DZANK1: variants seen among roughly 807,000 people sequenced by gnomAD.
DZANK1 encodes double zinc ribbon and ankyrin repeat domains 1.
Under a neutral mutation model 94.5 loss-of-function variants are expected in DZANK1, and 91 were observed. The ratio of observed to expected loss-of-function variants is 0.96; its 90% CI spans 0.81 to 1.15. DZANK1 has a LOEUF of 1.15. Ranked by LOEUF, DZANK1 falls within the 50% of genes most tolerant of loss-of-function variation. The probability of loss-of-function intolerance (pLI) is 0.00; values close to 1 mark genes in which losing one functional copy is unlikely to be tolerated. For synonymous variants in DZANK1, 312 were observed against 325.3 expected, an observed-to-expected ratio of 0.96 and a Z score of 0.44; for missense variants, 903 against 916.4, an observed-to-expected ratio of 0.99 and a Z score of 0.19.
intron 14 of DZANK1, chr20:18,398,301 T>C (rs760157605): frequency 1.9e-6 from 1 of 520,812 alleles, no homozygotes; most frequent in Non-Finnish European, 3.5e-6. Context: ...CAGAATTTTA[T>C]TGTCTTAGGT....
chr20:18,457,968 G>A lies in DZANK1; in HGVS notation c.263+2185C>T, dbSNP rs369285067. Among the ~76,000 whole-genome samples the A allele has an allele frequency of 1.4e-4, 22 of 152,302 alleles. No homozygotes were observed. In the East Asian group the frequency reaches 3.1e-3, roughly 21 times the overall value. ...GTTTAACTCTCACCCCTCCTCATAC[G>A]CATTGAAAGCTCACCTTTCCTATGC... On this transcript the variant is annotated intron_variant, in intron 3 of 20. Transcript: ENST00000262547.
At chr20:18,408,576 G>T (rs2057074606) in intron 13 of DZANK1, among the ~76,000 whole-genome samples, 1 of 152,128 alleles carries the variant, frequency 6.6e-6, no homozygotes, top group Non-Finnish European at 1.5e-5. Flanking sequence ...CTTTTCAGCA[G>T]AAATCCTATA....
Position 18,391,106 on chromosome 20 carries a change from G to A in DZANK1, c.1810-647C>T, listed in dbSNP as rs139494665. On this transcript the variant is annotated intron_variant, in intron 17 of 20. Coordinates refer to ENST00000262547, the Ensembl canonical transcript of DZANK1. ...CTTGGGAGGCTAAGGCAGGAGAATC[G>A]CTTGAATCCAGGAAGCAGAGGTTGC... 1.3e-4 allele frequency among the ~76,000 whole-genome samples: 20 copies of A among 152,226 alleles called. No homozygotes were observed. In the East Asian group the frequency reaches 2.7e-3, roughly 21 times the overall value.
At chr20:18,456,694 TTTTA>T (rs2059304563) in intron 3 of DZANK1, among the ~76,000 whole-genome samples, 1 of 119,984 alleles carries the variant, frequency 8.3e-6, no homozygotes, top group Non-Finnish European at 1.7e-5. Context: ...TGTCTGGATT[TTTTA>T]TTTATTTGTT....
At chr20:18,438,557 T>C (rs2058618259) in intron 8 of DZANK1, among the ~76,000 whole-genome samples, 1 of 152,168 alleles carries the variant, frequency 6.6e-6, no homozygotes. Context: ...TATCAGAGAA[T>C]AAAGGACTTT....
chr20:18,448,431 T>G (rs2058964686), intron 7 of DZANK1, among the ~76,000 whole-genome samples: 1 of 152,210 alleles, frequency 6.6e-6, no homozygotes, highest in Non-Finnish European at 1.5e-5. Flanking sequence ...AGGAAATTTT[T>G]GGCAGGGATG....
At chr20:18,432,675 C>T (rs2058331137) in intron 9 of DZANK1, 1 of 152,176 alleles carries the variant, frequency 6.6e-6, no homozygotes, top group South Asian at 2.1e-4. Context: ...GTGTTATGGC[C>T]TGTACATAAT....
chr20:18,439,237 A>G (rs1464215011), intron 8 of DZANK1, among the ~76,000 whole-genome samples: 1 of 152,180 alleles, frequency 6.6e-6, no homozygotes, highest in Non-Finnish European at 1.5e-5. Context: ...CAGTCACTCA[A>G]TTGAAAGCAA....
At chr20:18,427,690 A>C (rs2058104187) in intron 9 of DZANK1, among the ~76,000 whole-genome samples, 1 of 152,046 alleles carries the variant, frequency 6.6e-6, no homozygotes. Flanking sequence ...TTCATGGCTT[A>C]AACAGTAAAC....
At chr20:18,433,992 G>A (rs2058400371) in intron 8 of DZANK1, 5 of 489,130 alleles carry the variant, frequency 1.0e-5, no homozygotes, top group Non-Finnish European at 1.8e-5. Context: ...TGATGGATAT[G>A]CTAATTACTC....
chr20:18,405,693 A>AAT lies in DZANK1; in HGVS notation c.1432+6952_1432+6953insAT, dbSNP rs1232226318. On this transcript the variant is annotated intron_variant, in intron 13 of 20. Coordinates refer to ENST00000262547, the Ensembl canonical transcript of DZANK1. ...GCTGGAACACCAAATTTTAACAACT[A>AAT]TCTGTACTCAGAAAAGCACCATTAC... Among the ~76,000 whole-genome samples the AAT allele has an allele frequency of 3.3e-5, 5 of 152,342 alleles. No individual in the cohort carries two copies. In the East Asian group the frequency reaches 9.6e-4, roughly 29 times the overall value.
At chr20:18,436,443 C>CAAAA (rs767717764) in intron 8 of DZANK1, among the ~76,000 whole-genome samples, 5 of 103,608 alleles carry the variant, frequency 4.8e-5, no homozygotes, top group Non-Finnish European at 7.2e-5. Flanking sequence ...GACTCCATCT[C>CAAAA]AAAAAAAAAA....
intron 11 of DZANK1, 24 bp downstream of exon 11, chr20:18,415,303 G>C (rs2057438068): frequency 2.0e-6 from 3 of 1,514,318 alleles, no homozygotes; most frequent in Non-Finnish European, 2.7e-6. Flanking sequence ...TCAGTATACA[G>C]AATCTCAGTT....
chr20:18,446,891 A>G (rs2058898352), intron 7 of DZANK1, among the ~76,000 whole-genome samples: 1 of 152,238 alleles, frequency 6.6e-6, no homozygotes, highest in South Asian at 2.1e-4. Context: ...TAACAAGAAA[A>G]GAAAATCCCC....
intron 10 of DZANK1, among the ~76,000 whole-genome samples, chr20:18,418,259 A>G: frequency 6.6e-6 from 1 of 152,148 alleles, no homozygotes; most frequent in South Asian, 2.1e-4. Context: ...AGCGGTGGGC[A>G]CAAGGCAGTA....
chr20:18,454,180 C>T (rs2059203820), intron 4 of DZANK1: 1 of 375,556 alleles, frequency 2.7e-6, no homozygotes, highest in Non-Finnish European at 5.2e-6. Context: ...CAAAATCAGA[C>T]TTCTGCACAC....
intron 10 of DZANK1, 93 bp downstream of exon 10, chr20:18,426,974 C>T (rs1441214207): frequency 2.2e-6 from 2 of 914,796 alleles, no homozygotes; most frequent in Admixed American, 3.1e-5. Flanking sequence ...TGGTCTCTCT[C>T]CCCAACCCCC....
exon 13 of DZANK1, chr20:18,412,749 G>A (rs900725260): frequency 5.0e-6 from 8 of 1,613,664 alleles, no homozygotes; most frequent in Non-Finnish European, 5.1e-6. Context: ...CTAGCAGCTT[G>A]CCAGATGGGT....
At chr20:18,407,283 A>G (rs2057013829) in intron 13 of DZANK1, among the ~76,000 whole-genome samples, 1 of 152,194 alleles carries the variant, frequency 6.6e-6, no homozygotes, top group South Asian at 2.1e-4. Flanking sequence ...TATGTCTGGG[A>G]AAAAGAAGGG....
Sources: allele counts gnomAD v4.1 joint callset (sites outside exome capture counted in the v4.1 genomes callset), GRCh38; gene constraint gnomAD v4.1.1; transcripts MANE v1.5; gene names NCBI Gene and HGNC (gene_info 2026-07-23, HGNC 2026-07-21).